Variants in THSD7B observed in about 807,000 individuals in gnomAD.
THSD7B encodes the protein thrombospondin type 1 domain containing 7B.
A neutral mutation model predicts 213.6 loss-of-function variants in THSD7B; 138 were observed. The observed-to-expected ratio is 0.65, with a 90% CI of 0.56 to 0.74. THSD7B has a LOEUF of 0.74. Among genes scored for constraint, THSD7B ranks in the 30% least tolerant of loss-of-function variants. THSD7B has a pLI of 0.00. For synonymous variants in THSD7B, 742 were observed against 687.0 expected (o/e 1.08, Z -1.25); for missense variants, 1,931 against 1,991.5 (o/e 0.97, Z 0.58).
At chr2:137,672,445 C>A (rs1329685781) in intron 27 of THSD7B, among the ~76,000 whole-genome samples, 1 of 152,108 alleles carries the variant, frequency 6.6e-6, no homozygotes, top group Non-Finnish European at 1.5e-5. Flanking sequence ...TCTTTAGACT[C>A]AACATAATGT....
At chr2:137,410,139 T>C (rs1686619163) in intron 13 of THSD7B, among the ~76,000 whole-genome samples, 1 of 152,172 alleles carries the variant, frequency 6.6e-6, no homozygotes, top group South Asian at 2.1e-4. Flanking sequence ...CAGTAAATTT[T>C]CATGGCTGTG....
chr2:137,052,355 T>G (rs1687084319), intron 2 of THSD7B, among the ~76,000 whole-genome samples: 1 of 152,204 alleles, frequency 6.6e-6, no homozygotes, highest in Non-Finnish European at 1.5e-5. Flanking sequence ...AGCATGAGTT[T>G]TATTAATGGT....
intron 7 of THSD7B, among the ~76,000 whole-genome samples, chr2:137,206,366 T>C (rs13385888): frequency 0.6 from 90,449 of 151,908 alleles, 27,329 homozygotes; most frequent in South Asian, 0.71. Context: ...GTATGATTAA[T>C]GAGGAAGAAA....
chr2:137,473,154 CAAG>C (rs1252818938), intron 15 of THSD7B, among the ~76,000 whole-genome samples: 1 of 150,548 alleles, frequency 6.6e-6, no homozygotes, highest in Non-Finnish European at 1.5e-5. Flanking sequence ...ACTAAATAAG[CAAG>C]TCTTTATAAC....
intron 3 of THSD7B, among the ~76,000 whole-genome samples, chr2:137,063,606 A>G (rs1488754291): frequency 6.6e-6 from 1 of 151,924 alleles, no homozygotes; most frequent in Admixed American, 6.6e-5. Context: ...TTGCTAGCAA[A>G]TACTAGGTTG....
chr2:137,473,093 GTTT>G, intron 15 of THSD7B, among the ~76,000 whole-genome samples: 1 of 132,942 alleles, frequency 7.5e-6, no homozygotes. Flanking sequence ...ACTATTAATT[GTTT>G]TTTTTTTTTT....
intron 14 of THSD7B, among the ~76,000 whole-genome samples, chr2:137,413,743 T>C (rs1038727663): frequency 5.9e-5 from 9 of 152,148 alleles, no homozygotes; most frequent in African/African-American, 2.2e-4. Flanking sequence ...AATATGAATA[T>C]AATTTAACGG....
At chr2:136,792,278 A>G (rs1681979532) in intron 1 of THSD7B, among the ~76,000 whole-genome samples, 1 of 152,010 alleles carries the variant, frequency 6.6e-6, no homozygotes, top group Non-Finnish European at 1.5e-5. Context: ...AACATAATGA[A>G]TGATTCCAAC....
intron 12 of THSD7B, among the ~76,000 whole-genome samples, chr2:137,396,961 G>A (rs1286189767): frequency 1.4e-5 from 2 of 140,574 alleles, no homozygotes; most frequent in African/African-American, 2.6e-5. Flanking sequence ...TTTTAAGTCT[G>A]TTTTATCAGA....
chr2:137,483,050 C>A (rs1307318602), intron 15 of THSD7B, among the ~76,000 whole-genome samples: 1 of 152,174 alleles, frequency 6.6e-6, no homozygotes, highest in African/African-American at 2.4e-5. Context: ...TTCTGTCTCA[C>A]TTTGGACTGA....
intron 7 of THSD7B, among the ~76,000 whole-genome samples, chr2:137,203,169 C>T (rs1305588166): frequency 6.6e-6 from 1 of 151,810 alleles, no homozygotes; most frequent in African/African-American, 2.4e-5. Flanking sequence ...AGAATTCTCT[C>T]ATTTGTTTCC....
chr2:136,877,137 A>G (rs1214679127), intron 1 of THSD7B, among the ~76,000 whole-genome samples: 1 of 152,226 alleles, frequency 6.6e-6, no homozygotes, highest in Admixed American at 6.5e-5. Flanking sequence ...ACTCTTGGTC[A>G]GAACAATTCA....
In THSD7B at chr2:137,655,531, C is replaced by T. The variant is rs1326193399; in HGVS notation, c.3976C>T (p.Arg1326Cys). The stretch of plus-strand genomic sequence containing the variant: ...AGACTGTGGGGAAGGAGTTCAGATC[C>T]GCAGCCTTTCCTGCATGGTCCACAG... ...GGDCGEGVQI[R>C]SLSCMVHSGS... The change falls in exon 22 of 28, where the codon CGC becomes TGC. Residue 1326 changes from arginine (R) to cysteine (C), a missense_variant. By Grantham distance (180) the Arg-to-Cys change is radical (BLOSUM62 -3). Coordinates refer to ENST00000409968, the MANE Select transcript of THSD7B (RefSeq NM_001316349.2). The T allele has an allele frequency of 8.1e-6, 13 of 1,611,980 alleles. No homozygotes were observed. Among genetic ancestry groups the T allele is most frequent in the South Asian group, 3.3e-5 (3 of 90,540 alleles).
intron 4 of THSD7B, among the ~76,000 whole-genome samples, chr2:137,112,772 C>CGTGTGT (rs112879754): frequency 0.51 from 76,420 of 149,776 alleles, 21,507 homozygotes; most frequent in Non-Finnish European, 0.63. Context: ...TGTTAATGTA[C>CGTGTGT]GTGTGTGTGT....
intron 21 of THSD7B, among the ~76,000 whole-genome samples, chr2:137,643,553 C>T (rs762127138): frequency 1.2e-4 from 19 of 152,170 alleles, no homozygotes; most frequent in Non-Finnish European, 2.8e-4. Flanking sequence ...TTAACCAATT[C>T]AGAAGTAACT....
intron 12 of THSD7B, among the ~76,000 whole-genome samples, chr2:137,329,764 T>C (rs114882502): frequency 1.5e-3 from 231 of 152,300 alleles, no homozygotes; most frequent in African/African-American, 5.3e-3. Flanking sequence ...AAAAACTCAT[T>C]TTCTGGGGAG....
chr2:137,608,990 G>A (rs928136337), intron 17 of THSD7B, among the ~76,000 whole-genome samples: 12 of 152,180 alleles, frequency 7.9e-5, no homozygotes, highest in African/African-American at 2.9e-4. Flanking sequence ...AGAGTGCACT[G>A]CACTTGAAGA....
At chr2:137,262,661 T>C (rs1378481902) in intron 10 of THSD7B, among the ~76,000 whole-genome samples, 1 of 152,194 alleles carries the variant, frequency 6.6e-6, no homozygotes, top group Admixed American at 6.6e-5. Flanking sequence ...GTTTAGCTAG[T>C]GTTCCTTTGT....
In THSD7B at chr2:137,311,752, C is replaced by T. The variant is rs1248292923; in HGVS notation, c.2500+35726C>T. On this transcript the variant is annotated intron_variant, in intron 12 of 27. Coordinates refer to ENST00000409968, the MANE Select transcript of THSD7B (RefSeq NM_001316349.2). ...TTTTGTCAAAGGCCTTTTCTGCATCCATTGAGATAATCATGTGGTTTTTGT... is the reference window on the plus strand; with the variant it reads ...TTTTGTCAAAGGCCTTTTCTGCATCTATTGAGATAATCATGTGGTTTTTGT... 1.3e-4 allele frequency among the ~76,000 whole-genome samples: 20 copies of T among 151,032 alleles called. No individual in the cohort carries two copies. In the South Asian group the frequency reaches 2.8e-3, roughly 21 times the overall value.
Sources: allele counts gnomAD v4.1 joint callset (sites outside exome capture counted in the v4.1 genomes callset), GRCh38; gene constraint gnomAD v4.1.1; transcripts MANE v1.5; gene names NCBI Gene and HGNC (gene_info 2026-07-23, HGNC 2026-07-21).